Variants in LTBP1 observed in about 807,000 individuals in gnomAD.
LTBP1 encodes latent-transforming growth factor beta-binding protein 1.
In LTBP1, 129 loss-of-function variants were observed where a neutral mutation model predicts 207.6. The ratio of observed to expected loss-of-function variants is 0.62; its 90% confidence interval spans 0.54 to 0.72. LTBP1 has a LOEUF of 0.72. LTBP1 is among the 30% of genes least tolerant of loss of function. LTBP1 has a pLI of 0.00. For missense variants in LTBP1, 2,281 were observed against 2,217.2 expected (o/e 1.03, Z -0.58); for synonymous variants, 963 against 833.7 (o/e 1.16, Z -2.67).
intron 11 of LTBP1, 28 bp downstream of exon 11, chr2:33,252,872 A>G (rs765577872): frequency 1.9e-6 from 3 of 1,554,194 alleles, no homozygotes; most frequent in East Asian, 2.3e-5. Flanking sequence ...GTATGCGCAC[A>G]TAGATTCCCA....
At chr2:33,250,537 G>A (rs1353334285) in intron 10 of LTBP1, among the ~76,000 whole-genome samples, 1 of 152,174 alleles carries the variant, frequency 6.6e-6, no homozygotes, top group African/African-American at 2.4e-5. Context: ...CTGGGAGCCT[G>A]GGGAGGCTCC....
chr2:33,367,926 A>G (rs2095014258), intron 31 of LTBP1, among the ~76,000 whole-genome samples: 2 of 152,176 alleles, frequency 1.3e-5, no homozygotes, highest in South Asian at 4.1e-4. Flanking sequence ...AAAAATTACC[A>G]TCTTTTGGCC....
intron 2 of LTBP1, among the ~76,000 whole-genome samples, chr2:32,986,408 A>C (rs990307069): frequency 6.6e-6 from 1 of 152,162 alleles, no homozygotes; most frequent in African/African-American, 2.4e-5. Context: ...AGACTGACTT[A>C]AATAAAAGAG....
intron 24 of LTBP1, among the ~76,000 whole-genome samples, chr2:33,325,638 G>C (rs2094416891): frequency 6.6e-6 from 1 of 152,106 alleles, no homozygotes; most frequent in Non-Finnish European, 1.5e-5. Context: ...TAAAAACTTA[G>C]AACAGTGTAA....
chr2:33,202,420 G>A lies in LTBP1; in HGVS notation c.1701+13569G>A, dbSNP rs2089412228. Among the ~76,000 whole-genome samples, 4 of 152,238 alleles carry A rather than the reference G, an allele frequency of 2.6e-5. No individual in the cohort carries two copies. In the South Asian group the frequency reaches 6.2e-4, roughly 24 times the overall value. On this transcript the variant is annotated intron_variant, in intron 7 of 33. Transcript: ENST00000404816. Reference sequence around the variant, plus strand: ...GTGATGAGAAATGGTGTTCATTTAGGGGAGCTGAGACATTGAGTTCTGCTC... The same window carrying A: ...GTGATGAGAAATGGTGTTCATTTAGAGGAGCTGAGACATTGAGTTCTGCTC...
At chr2:33,339,054 G>A (rs2094585488) in intron 24 of LTBP1, among the ~76,000 whole-genome samples, 1 of 117,436 alleles carries the variant, frequency 8.5e-6, no homozygotes, top group South Asian at 2.5e-4. Context: ...GAGGGAGGGA[G>A]GCAAGACTGG....
At chr2:33,105,217 C>G (rs140735012) in intron 3 of LTBP1, among the ~76,000 whole-genome samples, 6 of 152,128 alleles carry the variant, frequency 3.9e-5, no homozygotes, top group Non-Finnish European at 5.9e-5. Flanking sequence ...AGTGAGTATC[C>G]CAGTAAAGCA....
chr2:33,043,016 GTACATGAGTATTTT>G (rs1051237670), intron 3 of LTBP1, among the ~76,000 whole-genome samples: 9 of 152,272 alleles, frequency 5.9e-5, no homozygotes, highest in African/African-American at 2.2e-4. Flanking sequence ...CACAGTTTGT[GTACATGAGTATTTT>G]TATGGGGAAT....
At chr2:33,266,390 G>A (rs1304954458) in intron 15 of LTBP1, among the ~76,000 whole-genome samples, 1 of 152,180 alleles carries the variant, frequency 6.6e-6, no homozygotes, top group African/African-American at 2.4e-5. Flanking sequence ...TTGATGGAGG[G>A]AGGCAGACAG....
chr2:33,325,936 C>T (rs112317435), intron 24 of LTBP1, among the ~76,000 whole-genome samples: 1 of 151,930 alleles, frequency 6.6e-6, no homozygotes, highest in African/African-American at 2.4e-5. Flanking sequence ...CTTCCTCATA[C>T]ACTTTTTCTG....
At chr2:33,170,035 G>A (rs1185309821) in intron 5 of LTBP1, among the ~76,000 whole-genome samples, 2 of 152,216 alleles carry the variant, frequency 1.3e-5, no homozygotes, top group Non-Finnish European at 2.9e-5. Context: ...CAAGATGGCC[G>A]AATAGGAACA....
At chr2:33,290,206 C>T (rs75267935) in intron 19 of LTBP1, among the ~76,000 whole-genome samples, 29 of 152,304 alleles carry the variant, frequency 1.9e-4, no homozygotes, top group African/African-American at 6.7e-4. Flanking sequence ...GAGAGAAAGA[C>T]ATTCATCTAT....
intron 23 of LTBP1, 92 bp downstream of exon 23, chr2:33,309,648 AT>A: frequency 7.2e-7 from 1 of 1,391,134 alleles, no homozygotes; most frequent in Non-Finnish European, 9.8e-7. Flanking sequence ...TTGCCATGTG[AT>A]TTATATGTAA....
chr2:33,327,355 A>T (rs1465420427), intron 24 of LTBP1, among the ~76,000 whole-genome samples: 1 of 152,198 alleles, frequency 6.6e-6, no homozygotes, highest in East Asian at 1.9e-4. Context: ...CTGAATATAT[A>T]ACAATGCTGT....
At chr2:33,396,139 GTTTC>G (rs1036184966) in intron 32 of LTBP1, among the ~76,000 whole-genome samples, 4 of 150,940 alleles carry the variant, frequency 2.7e-5, no homozygotes, top group Non-Finnish European at 5.9e-5. Context: ...CCAAACAAGA[GTTTC>G]TTTGTTTCCT....
chr2:32,959,846 C>A (rs1678808460), intron 2 of LTBP1, among the ~76,000 whole-genome samples: 1 of 151,392 alleles, frequency 6.6e-6, no homozygotes, highest in Admixed American at 6.6e-5. Context: ...GTCTTGAACT[C>A]CTGACCTCAG....
At chr2:33,271,063 A>G (rs2093310384) in intron 15 of LTBP1, among the ~76,000 whole-genome samples, 1 of 152,210 alleles carries the variant, frequency 6.6e-6, no homozygotes, top group Non-Finnish European at 1.5e-5. Context: ...AATTTGTGGC[A>G]TAGGAATATA....
intron 19 of LTBP1, among the ~76,000 whole-genome samples, chr2:33,286,531 C>T (rs912302522): frequency 6.6e-6 from 1 of 152,084 alleles, no homozygotes; most frequent in Non-Finnish European, 1.5e-5. Flanking sequence ...CAGCATGTAC[C>T]TTTTTCATAT....
chr2:33,213,917 C>T (rs996585277), intron 7 of LTBP1, among the ~76,000 whole-genome samples: 11 of 152,180 alleles, frequency 7.2e-5, no homozygotes, highest in East Asian at 5.8e-4. Context: ...TGGGATAAAG[C>T]GGCCTGAATC....
Sources: gnomAD v4.1 joint callset for allele counts (sites outside exome capture counted in the v4.1 genomes callset) on GRCh38, gnomAD v4.1.1 for gene constraint, MANE v1.5 for transcripts, NCBI Gene and HGNC (gene_info 2026-07-23, HGNC 2026-07-21) for gene names.